The following LRP1 variants were observed in gnomAD, a reference collection of about 807,000 sequenced individuals.
LRP1 encodes the protein LDL receptor related protein 1.
Under a neutral mutation model 541.5 loss-of-function variants are expected in LRP1, and 51 were observed. The ratio of observed to expected loss-of-function variants is 0.09; its 90% CI spans 0.08 to 0.12. The LOEUF (loss-of-function observed/expected upper bound fraction) is 0.12. LRP1 is among the 10% of genes least tolerant of loss of function. LRP1 has a pLI of 1.00. For missense variants in LRP1, 3,878 were observed against 6,376.2 expected, an observed-to-expected ratio of 0.61 and a Z score of 13.34; for synonymous variants, 2,219 against 2,470.8, an observed-to-expected ratio of 0.90 and a Z score of 3.02.
chr12:57,129,249 C>G (rs2034986155), intron 1 of LRP1: 1 of 575,450 alleles, frequency 1.7e-6, no homozygotes, highest in South Asian at 2.1e-5. Flanking sequence ...CCAGCACAAA[C>G]AAAGACCAGA....
Position 57,178,548 on chromosome 12 carries a change from G to A in LRP1, c.4551G>A (p.Arg1517=), listed in dbSNP as rs1166905809. The A allele has an allele frequency of 1.9e-6, 3 of 1,614,094 alleles. No homozygotes were observed. Among genetic ancestry groups the A allele is most frequent in the Non-Finnish European group, 2.5e-6 (3 of 1,180,050 alleles). The part of the protein sequence containing the change: ...WTGHNVTVVQ[R]TNTQPFDLQV... ...GCCACAATGTCACCGTGGTACAGAG[G>A]ACCAACACCCAGCCCTTTGACCTGC... The change falls in exon 27 of 89, where the codon AGG becomes AGA. Residue 1517 remains arginine, a synonymous_variant. Transcript: ENST00000243077. The surrounding 1 kb of genome is among the most constrained non-coding windows in gnomAD (Gnocchi z 5.8).
chr12:57,182,327 A>G (rs2036181680), intron 34 of LRP1, among the ~76,000 whole-genome samples: 1 of 152,100 alleles, frequency 6.6e-6, no homozygotes. Flanking sequence ...CTTGGCCAAC[A>G]TGGCAAAACT....
chr12:57,148,182 T>C (rs1036084051), intron 6 of LRP1, among the ~76,000 whole-genome samples: 1 of 151,516 alleles, frequency 6.6e-6, no homozygotes, highest in African/African-American at 2.4e-5. Flanking sequence ...TTAACTGTTA[T>C]AGTTACGTTT....
chr12:57,184,142 G>C lies in LRP1; in HGVS notation c.5987G>C (p.Gly1996Ala). The C allele has an allele frequency of 6.2e-7, 1 of 1,614,130 alleles. No homozygotes were observed. The highest frequency in any genetic ancestry group is 8.5e-7 in the Non-Finnish European group (1 of 1,179,998). Residue 1996 changes from glycine (G) to alanine (A), a missense_variant, in exon 37 of 89, where the codon GGC becomes GCC. Physicochemically the swap from Gly to Ala is moderately conservative, Grantham distance 60 (BLOSUM62 0). Coordinates refer to ENST00000243077, the MANE Select transcript of LRP1 (RefSeq NM_002332.3). This position sits in a 1 kb window ranked among gnomAD's most constrained non-coding sequence, Gnocchi z 7.8. ...GTCATCGAGGTCGCCCGGCTCAATGGCTCCTTCCGCTACGTGGTGATCTCC... is the reference window on the plus strand; with the variant it reads ...GTCATCGAGGTCGCCCGGCTCAATGCCTCCTTCCGCTACGTGGTGATCTCC... ...FDVIEVARLN[G>A]SFRYVVISQG... is the part of the protein sequence containing the mutation.
chr12:57,135,717 A>G (rs930805061), intron 1 of LRP1, among the ~76,000 whole-genome samples: 4 of 151,964 alleles, frequency 2.6e-5, no homozygotes, highest in African/African-American at 9.7e-5. Flanking sequence ...CACTTGTCCC[A>G]TCCCCCATCC....
At position 57,165,846 on chromosome 12, in the gene LRP1, G is replaced by A. The variant is rs1483469982; in HGVS notation, c.2572G>A (p.Glu858Lys). ...YVPPPQCQPG[E>K]FACANSRCIQ... is the part of the protein sequence containing the mutation. The stretch of plus-strand genomic sequence containing the variant: ...GCCTCCACCCCAGTGCCAGCCAGGC[G>A]AGTTTGCCTGTGCCAACAGCCGCTG... The change falls in exon 16 of 89, where the codon GAG becomes AAG. Residue 858 changes from glutamate to lysine, a missense_variant. Transcript: ENST00000243077. The surrounding 1 kb of genome is among the most constrained non-coding windows in gnomAD (Gnocchi z 4.5). 2.5e-6 allele frequency: 4 copies of A among 1,614,098 alleles called. No individual in the cohort carries two copies. Among genetic ancestry groups the A allele is most frequent in the Non-Finnish European group, 3.4e-6 (4 of 1,180,044 alleles).
chr12:57,202,290 G>A, intron 67 of LRP1, 131 bp from the exon 68 acceptor site: 1 of 750,482 alleles, frequency 1.3e-6, no homozygotes, highest in Non-Finnish European at 2.4e-6. Flanking sequence ...CACCGCCTGG[G>A]CTCCCCGCGG....
In LRP1 at chr12:57,209,134, T is replaced by G; in HGVS notation, c.12197T>G (p.Leu4066Arg). Reference sequence around the variant, plus strand: ...CGGCTGTACTGGGCAGACGCCAAGCTTTCAGTCATCGGCAGCATCCGGCTC... The same window carrying G: ...CGGCTGTACTGGGCAGACGCCAAGCGTTCAGTCATCGGCAGCATCCGGCTC... ...NERLYWADAK[L>R]SVIGSIRLNG... Residue 4066 changes from leucine to arginine, a missense_variant, in exon 79 of 89, where the codon CTT becomes CGT. Physicochemically the swap from Leu to Arg is moderately radical, Grantham distance 102. Coordinates refer to ENST00000243077, the MANE Select transcript of LRP1 (RefSeq NM_002332.3). 1 of 1,614,138 alleles carries G rather than the reference T, an allele frequency of 6.2e-7. No individual in the cohort carries two copies. The highest frequency in any genetic ancestry group is 1.1e-5 in the South Asian group (1 of 91,082).
chr12:57,201,673 C>A lies in LRP1; in HGVS notation c.10468+54C>A. The A allele has an allele frequency of 1.3e-6, 2 of 1,598,174 alleles. No individual in the cohort carries two copies. Among genetic ancestry groups the A allele is most frequent in the South Asian group, 1.1e-5 (1 of 89,540 alleles). On this transcript the variant is annotated intron_variant, in intron 66 of 88. Transcript: ENST00000243077. This position sits in a 1 kb window ranked among gnomAD's most constrained non-coding sequence, Gnocchi z 6.4. ...CCCTCCCCAGTGTCTGCTGCTCACA[C>A]CACCCCGACGTGTGACCCCCTCAGT...
Position 57,178,800 on chromosome 12 carries a change from G to C in LRP1, c.4607-90G>C. On this transcript the variant is annotated intron_variant, in intron 27 of 88. Coordinates refer to ENST00000243077, the MANE Select transcript of LRP1 (RefSeq NM_002332.3). The surrounding 1 kb of genome is among the most constrained non-coding windows in gnomAD (Gnocchi z 5.8). Reference sequence around the variant, plus strand: ...GTAGTAGCGGCTGCTGGAACAGGGGGAGGAGAGTGGGCGAGGAAGGGGTGG... The same window carrying C: ...GTAGTAGCGGCTGCTGGAACAGGGGCAGGAGAGTGGGCGAGGAAGGGGTGG... The C allele has an allele frequency of 6.5e-7, 1 of 1,534,276 alleles. No homozygotes were observed. Among genetic ancestry groups the C allele is most frequent in the Non-Finnish European group, 8.8e-7 (1 of 1,140,102 alleles).
At position 57,210,012 on chromosome 12, in the gene LRP1, C is replaced by A; in HGVS notation, c.12440-17C>A. The A allele has an allele frequency of 6.3e-7, 1 of 1,594,042 alleles. No homozygotes were observed. The highest frequency in any genetic ancestry group is 8.6e-7 in the Non-Finnish European group (1 of 1,168,612). ...GGGTCCTGCTCAGCATCCTCCCCAC[C>A]CCACCCATACCTGCAGTGACCAACC... On this transcript the variant is annotated splice_polypyrimidine_tract_variant and intron_variant, in intron 80 of 88. Transcript: ENST00000243077.
In LRP1 at chr12:57,201,751, A is replaced by C. The variant is rs760446858; in HGVS notation, c.10469-29A>C. The C allele has an allele frequency of 6.2e-7, 1 of 1,612,290 alleles. No homozygotes were observed. Among genetic ancestry groups the C allele is most frequent in the African/African-American group, 1.3e-5 (1 of 74,754 alleles). ...CCGGCACACTCCTGGAAGGAGTCTCATCCTCACCCCATGCCCACCCGCTTG... is the reference window on the plus strand; with the variant it reads ...CCGGCACACTCCTGGAAGGAGTCTCCTCCTCACCCCATGCCCACCCGCTTG... On this transcript the variant is annotated intron_variant, in intron 66 of 88. Transcript: ENST00000243077. The surrounding 1 kb of genome is among the most constrained non-coding windows in gnomAD (Gnocchi z 6.4).
chr12:57,181,265 T>C lies in LRP1; in HGVS notation c.5636T>C (p.Leu1879Pro). 1 of 1,613,250 alleles carries C rather than the reference T, an allele frequency of 6.2e-7. No individual in the cohort carries two copies. The highest frequency in any genetic ancestry group is 8.5e-7 in the Non-Finnish European group (1 of 1,179,964). ...TGCATGTGCACAGCCGGCTATAGCC[T>C]CCGGAGTGGCCAGCAGGCCTGCGAG... The part of the protein sequence containing the change: ...RSCMCTAGYS[L>P]RSGQQACEGV... Residue 1879 changes from leucine to proline, a missense_variant, in exon 34 of 89, where the codon CTC (leucine) becomes CCC (proline). Leu to Pro is a moderately conservative substitution (Grantham distance 98). This residue lies in a region of LRP1 where 394 missense variants were observed against 635.9 expected (regional missense o/e 0.62). Transcript: ENST00000243077.
chr12:57,180,251 C>A, intron 31 of LRP1, 79 bp from the exon 32 acceptor site: 1 of 1,583,196 alleles, frequency 6.3e-7, no homozygotes, highest in Non-Finnish European at 8.7e-7. Context: ...TAGCTTAGTG[C>A]CTGTTCTCAC....
intron 4 of LRP1, 67 bp from the exon 5 acceptor site, chr12:57,144,905 G>A: frequency 6.8e-7 from 1 of 1,478,988 alleles, no homozygotes; most frequent in Non-Finnish European, 9.4e-7. Flanking sequence ...GATCATGTCT[G>A]ATGATCACCC....
chr12:57,175,811 C>A, intron 23 of LRP1, 98 bp from the exon 24 acceptor site: 1 of 1,564,794 alleles, frequency 6.4e-7, no homozygotes, highest in Non-Finnish European at 8.7e-7. Context: ...CCACCCTAGC[C>A]CCCAGTGCCC....
At position 57,184,304 on chromosome 12, in the gene LRP1, C is replaced by T. The variant is rs774267117; in HGVS notation, c.6060-22C>T. The T allele has an allele frequency of 6.2e-7, 1 of 1,614,184 alleles. No homozygotes were observed. Among genetic ancestry groups the T allele is most frequent in the Non-Finnish European group, 8.5e-7 (1 of 1,180,022 alleles). ...CCTCCAGGGTCTGAGGACTGACCCC[C>T]ACTTCCACCCCCACCCTACAGGTAC... On this transcript the variant is annotated intron_variant, in intron 37 of 88. Coordinates refer to ENST00000243077, the MANE Select transcript of LRP1 (RefSeq NM_002332.3). This position sits in a 1 kb window ranked among gnomAD's most constrained non-coding sequence, Gnocchi z 7.8.
chr12:57,150,082 C>G (rs1007728744), intron 6 of LRP1: 3 of 243,856 alleles, frequency 1.2e-5, no homozygotes, highest in African/African-American at 6.8e-5. Context: ...ACGCCTGAGA[C>G]AAAGACAAAA....
intron 76 of LRP1, among the ~76,000 whole-genome samples, chr12:57,207,485 A>G (rs938975019): frequency 1.3e-5 from 2 of 151,276 alleles, no homozygotes; most frequent in African/African-American, 2.4e-5. Flanking sequence ...AAGGTTGCAG[A>G]ATAGCACTGC....
Sources: allele counts gnomAD v4.1 joint callset (sites outside exome capture counted in the v4.1 genomes callset), GRCh38; gene constraint gnomAD v4.1.1; regional missense constraint gnomAD v4.1.1; non-coding constraint Gnocchi (gnomAD v3.1); transcripts MANE v1.5; gene names NCBI Gene and HGNC (gene_info 2026-07-23, HGNC 2026-07-21).